Variants in GM2A observed in about 807,000 individuals in gnomAD.
The protein encoded by GM2A is GM2 ganglioside activator.
GM2A carries 7 observed loss-of-function variants against 12.9 expected under a neutral mutation model. The observed-to-expected ratio is 0.54, with a 90% confidence interval of 0.31 to 1.02. GM2A has a LOEUF of 1.02. GM2A is among the 50% of genes least tolerant of loss of function. The pLI, the probability that GM2A is intolerant of heterozygous loss-of-function variation, is 0.05. For synonymous variants in GM2A, 101 were observed against 96.0 expected (o/e 1.05, Z -0.30); for missense variants, 246 against 241.0 (o/e 1.02, Z -0.14).
chr5:151,265,828 T>A (rs993693605), intron 2 of GM2A, among the ~76,000 whole-genome samples: 1 of 152,236 alleles, frequency 6.6e-6, no homozygotes, highest in Non-Finnish European at 1.5e-5. Context: ...CTTTCCCGGC[T>A]GAGTCAGGGA....
intron 1 of GM2A, among the ~76,000 whole-genome samples, chr5:151,259,077 G>T (rs1426037709): frequency 2.0e-5 from 3 of 152,162 alleles, no homozygotes; most frequent in Non-Finnish European, 2.9e-5. Context: ...GCACAGGGGT[G>T]GTGAGTGATC....
At chr5:151,262,470 A>G (rs1753815076) in intron 2 of GM2A, among the ~76,000 whole-genome samples, 1 of 152,240 alleles carries the variant, frequency 6.6e-6, no homozygotes, top group South Asian at 2.1e-4. Context: ...GGCACCCAGG[A>G]CATGCTCAGT....
intron 1 of GM2A, among the ~76,000 whole-genome samples, chr5:151,259,300 C>T (rs1032881468): frequency 6.6e-5 from 10 of 152,066 alleles, no homozygotes; most frequent in Admixed American, 6.6e-4. Context: ...TTGTTCCTGG[C>T]TCTGGGTTGG....
intron 1 of GM2A, among the ~76,000 whole-genome samples, chr5:151,256,786 A>G (rs1451278113): frequency 6.6e-6 from 1 of 152,036 alleles, no homozygotes. Context: ...TTTCCCATTA[A>G]TGCCCTCTTT....
At chr5:151,267,178 C>G (rs933517205) in intron 3 of GM2A, 118 bp from the exon 4 acceptor site, 61 of 1,311,970 alleles carry the variant, frequency 4.6e-5, no homozygotes, top group Non-Finnish European at 6.4e-5. Flanking sequence ...TCTTGTGCGG[C>G]TGTTTTGAGA....
Position 151,268,374 on chromosome 5 carries a change from C to T in GM2A, c.*923C>T, listed in dbSNP as rs534926050. ...TTCACCATGTTGGCCAGGATGGTCT[C>T]GATCTCTTGACCTCGTGATCTGTCC... On this transcript the variant is annotated 3_prime_UTR_variant, in exon 4 of 4. Transcript: ENST00000357164. The T allele has an allele frequency of 6.0e-5, 40 of 669,480 alleles. No homozygotes were observed. The East Asian group carries it at 1.1e-3, about 18-fold the overall frequency. 41.5% of individuals were successfully genotyped at this position (669,480 alleles called of 1,614,324 possible).
intron 2 of GM2A, 38 bp downstream of exon 2, chr5:151,259,954 G>A (rs1308244078): frequency 5.1e-6 from 8 of 1,571,360 alleles, no homozygotes; most frequent in Admixed American, 1.7e-5. Flanking sequence ...GAGGTGCGAG[G>A]GTCTGGCCAG....
At position 151,269,350 on chromosome 5, in the gene GM2A, G is replaced by A; in HGVS notation, c.*1899G>A. The A allele has an allele frequency of 1.0e-6, 1 of 985,452 alleles. No individual in the cohort carries two copies. Among genetic ancestry groups the A allele is most frequent in the Non-Finnish European group, 1.2e-6 (1 of 829,964 alleles). The allele number at this position is 985,452 out of a possible 1,614,324, so 61.0% of individuals were successfully genotyped here. On this transcript the variant is annotated 3_prime_UTR_variant, in exon 4 of 4. Transcript: ENST00000357164. ...TGGAAGGGTTTGTTGGAACGGTACA[G>A]GTGAGCCGAGGTGATTCCAGGGACG...
chr5:151,263,233 T>G (rs979305801), intron 2 of GM2A, among the ~76,000 whole-genome samples: 1 of 151,560 alleles, frequency 6.6e-6, no homozygotes, highest in Non-Finnish European at 1.5e-5. Context: ...GCTGGGATTA[T>G]AGGCGTGCAC....
intron 1 of GM2A, among the ~76,000 whole-genome samples, chr5:151,255,487 G>A (rs1753668498): frequency 6.6e-6 from 1 of 152,132 alleles, no homozygotes; most frequent in Admixed American, 6.5e-5. Flanking sequence ...GATACTGAAA[G>A]CAGGGAGGCT....
intron 2 of GM2A, among the ~76,000 whole-genome samples, chr5:151,263,054 T>G (rs1162204538): frequency 1.3e-5 from 2 of 150,926 alleles, no homozygotes; most frequent in Non-Finnish European, 3.0e-5. Context: ...AAAATTAGCC[T>G]CAGATCCCCT....
intron 1 of GM2A, among the ~76,000 whole-genome samples, 199 bp from the exon 2 acceptor site, chr5:151,259,556 A>G (rs948618135): frequency 1.3e-5 from 2 of 152,126 alleles, no homozygotes; most frequent in African/African-American, 2.4e-5. Flanking sequence ...TGAGTCTTTT[A>G]GTTTAGTCCT....
chr5:151,269,265 A>G lies in GM2A; in HGVS notation c.*1814A>G, dbSNP rs1237537987. ...GACAGTTTCCCCTTGCCTTGGCTGCATATTTCACTGATCACATCTCAGGAT... is the reference window on the plus strand; with the variant it reads ...GACAGTTTCCCCTTGCCTTGGCTGCGTATTTCACTGATCACATCTCAGGAT... On this transcript the variant is annotated 3_prime_UTR_variant, in exon 4 of 4. Transcript: ENST00000357164. 2.0e-6 allele frequency: 2 copies of G among 985,346 alleles called. No individual in the cohort carries two copies. Among genetic ancestry groups the G allele is most frequent in the East Asian group, 1.1e-4 (1 of 8,822 alleles). The allele number at this position is 985,346 out of a possible 1,614,324, so 61.0% of individuals were successfully genotyped here. A position where few individuals can be genotyped will look rare whatever the true frequency, so the allele number is the denominator to read the frequency against.
In GM2A at chr5:151,269,431, C is replaced by T; in HGVS notation, c.*1980C>T. On this transcript the variant is annotated 3_prime_UTR_variant, in exon 4 of 4. Coordinates refer to ENST00000357164, the MANE Select transcript of GM2A (RefSeq NM_000405.5). ...TTGTCTCTGCTTCATCGCCATCCAG[C>T]TCCCTTGTTTGCTATTTTGCTTTCC... 7 of 985,422 alleles carry T rather than the reference C, an allele frequency of 7.1e-6. No homozygotes were observed. Among genetic ancestry groups the T allele is most frequent in the Non-Finnish European group, 7.2e-6 (6 of 829,962 alleles). 61.0% of individuals were successfully genotyped at this position (985,422 alleles called of 1,614,324 possible).
intron 2 of GM2A, 32 bp from the exon 3 acceptor site, chr5:151,266,699 T>C (rs1479756884): frequency 6.3e-7 from 1 of 1,580,540 alleles, no homozygotes; most frequent in South Asian, 1.1e-5. Context: ...TTATAACCTT[T>C]TTCAAACCTT....
intron 1 of GM2A, among the ~76,000 whole-genome samples, chr5:151,258,317 T>C (rs1049138628): frequency 2.0e-5 from 3 of 152,206 alleles, no homozygotes; most frequent in African/African-American, 7.2e-5. Flanking sequence ...ACATACACGC[T>C]CTCGCCCTTG....
chr5:151,270,219 C>A lies in GM2A; in HGVS notation c.*2768C>A. 2 of 605,206 alleles carry A rather than the reference C, an allele frequency of 3.3e-6. No individual in the cohort carries two copies. The highest frequency in any genetic ancestry group is 4.8e-6 in the Non-Finnish European group (2 of 415,230). 37.5% of individuals were successfully genotyped at this position (605,206 alleles called of 1,614,324 possible). The stretch of plus-strand genomic sequence containing the variant: ...CCCTTGGAGAAAGTTGAAGTTAGAC[C>A]TGTACTTCACACCATATGCAAGAAT... On this transcript the variant is annotated 3_prime_UTR_variant, in exon 4 of 4. Coordinates refer to ENST00000357164, the MANE Select transcript of GM2A (RefSeq NM_000405.5).
Position 151,267,547 on chromosome 5 carries a change from CT to C in GM2A, c.*99del. The C allele has an allele frequency of 6.3e-7, 1 of 1,576,104 alleles. No homozygotes were observed. The highest frequency in any genetic ancestry group is 1.2e-5 in the South Asian group (1 of 86,288). The stretch of plus-strand genomic sequence containing the variant: ...GGCCAAACTCCCACTCTCTGCCCCC[CT>C]TTAATCCCCTTTCTACAGTGAGTCC... On this transcript the variant is annotated 3_prime_UTR_variant, in exon 4 of 4. Coordinates refer to ENST00000357164, the MANE Select transcript of GM2A (RefSeq NM_000405.5).
Position 151,270,061 on chromosome 5 carries a change from T to C in GM2A, c.*2610T>C. The C allele has an allele frequency of 8.1e-7, 1 of 1,230,748 alleles. No homozygotes were observed. The highest frequency in any genetic ancestry group is 1.0e-6 in the Non-Finnish European group (1 of 987,832). The allele number at this position is 1,230,748 out of a possible 1,614,324, so 76.2% of individuals were successfully genotyped here. A position where few individuals can be genotyped will look rare whatever the true frequency, so the allele number is the denominator to read the frequency against. On this transcript the variant is annotated 3_prime_UTR_variant, in exon 4 of 4. Coordinates refer to ENST00000357164, the MANE Select transcript of GM2A (RefSeq NM_000405.5). ...AATCTCAGTAGCTCAGTTAATCTTT[T>C]TATGTCTGCTCTGCTCTTGGGTCAT... is the stretch of plus-strand genomic sequence containing the variant.
Sources: gnomAD v4.1 joint callset for allele counts (sites outside exome capture counted in the v4.1 genomes callset) on GRCh38, gnomAD v4.1.1 for gene constraint, MANE v1.5 for transcripts, NCBI Gene and HGNC (gene_info 2026-07-23, HGNC 2026-07-21) for gene names.